Variants in TET3 observed in about 807,000 individuals in gnomAD.
TET3 encodes the protein methylcytosine dioxygenase TET3.
Under a neutral mutation model 141.4 loss-of-function variants are expected in TET3, and 19 were observed. That is an observed-to-expected ratio of 0.13 (90% CI 0.09 to 0.20). The LOEUF (loss-of-function observed/expected upper bound fraction) is 0.20. TET3 is among the 10% of genes least tolerant of loss of function. TET3 has a pLI of 1.00. For synonymous variants in TET3, 1,043 were observed against 980.9 expected, an observed-to-expected ratio of 1.06 and a Z score of -1.18; for missense variants, 1,874 against 2,356.9, an observed-to-expected ratio of 0.80 and a Z score of 4.24.
intron 6 of TET3, among the ~76,000 whole-genome samples, chr2:74,086,658 C>T (rs532844859): frequency 9.2e-5 from 14 of 151,798 alleles, no homozygotes; most frequent in African/African-American, 2.7e-4. Context: ...GGCATGGTGG[C>T]GTGTGTCTGT....
At chr2:74,072,467 G>A (rs923226271) in intron 4 of TET3, among the ~76,000 whole-genome samples, 11 of 150,430 alleles carry the variant, frequency 7.3e-5, no homozygotes, top group Admixed American at 6.6e-5. Context: ...AGCCAAGATC[G>A]CGCCATTGCA....
At chr2:74,025,241 A>AC in intron 3 of TET3, among the ~76,000 whole-genome samples, 1 of 150,548 alleles carries the variant, frequency 6.6e-6, no homozygotes, top group South Asian at 2.1e-4. Flanking sequence ...AAAAAAAAAA[A>AC]GTAAGTAGCA....
the TET3 span, among the ~76,000 whole-genome samples, chr2:74,133,046 T>G: frequency 6.6e-6 from 1 of 151,506 alleles, no homozygotes; most frequent in Non-Finnish European, 1.5e-5. Flanking sequence ...TACAGGCATG[T>G]GCCACTATGC....
intron 4 of TET3, among the ~76,000 whole-genome samples, chr2:74,055,167 T>A (rs1278386304): frequency 2.0e-5 from 3 of 152,110 alleles, no homozygotes; most frequent in African/African-American, 7.2e-5. Context: ...CCCAGAATGC[T>A]AGGATTACAG....
At chr2:74,028,644 C>G (rs1686508945) in intron 3 of TET3, among the ~76,000 whole-genome samples, 1 of 152,070 alleles carries the variant, frequency 6.6e-6, no homozygotes, top group Non-Finnish European at 1.5e-5. Flanking sequence ...GTCTTTATAG[C>G]TTTTTTATTG....
chr2:74,101,496 G>C lies in TET3; in HGVS notation c.4708G>C (p.Ala1570Pro). 6.2e-7 allele frequency: 1 copy of C among 1,612,832 alleles called. No homozygotes were observed. Among genetic ancestry groups the C allele is most frequent in the Non-Finnish European group, 8.5e-7 (1 of 1,179,482 alleles). ...AGGAGAGGAGGGCAGGATTCCAGCC[G>C]CAGGGGCCAGCCAGCTGGACAGGGC... Reference protein sequence around the residue: ...MKGEEGRIPAAGASQLDRAWQ... With the variant: ...MKGEEGRIPAPGASQLDRAWQ... The change falls in exon 12 of 12, where the codon GCA becomes CCA. Residue 1570 changes from alanine to proline, a missense_variant. Transcript: ENST00000409262. This position sits in a 1 kb window ranked among gnomAD's most constrained non-coding sequence, Gnocchi z 8.5.
At chr2:73,985,527 C>CGGGCGCGGGCTGCCCA (rs1157682030) in intron 1 of TET3, among the ~76,000 whole-genome samples, 1 of 145,820 alleles carries the variant, frequency 6.9e-6, no homozygotes, top group Non-Finnish European at 1.5e-5. Flanking sequence ...GCGGGCGCGG[C>CGGGCGCGGGCTGCCCA]GGGCGCGGGC....
intron 4 of TET3, among the ~76,000 whole-genome samples, chr2:74,063,040 C>T (rs1213783659): frequency 2.6e-5 from 4 of 151,852 alleles, no homozygotes; most frequent in African/African-American, 4.8e-5. Flanking sequence ...TGCACCACCA[C>T]GCCTGGCTAA....
chr2:74,005,562 T>G (rs1057247510), intron 3 of TET3, among the ~76,000 whole-genome samples: 2 of 152,058 alleles, frequency 1.3e-5, no homozygotes, highest in Non-Finnish European at 2.9e-5. Flanking sequence ...GTAAGAAGGA[T>G]ATGTCTGATG....
At chr2:74,132,135 G>A in the TET3 span, among the ~76,000 whole-genome samples, 1 of 152,128 alleles carries the variant, frequency 6.6e-6, no homozygotes, top group Admixed American at 6.5e-5. Flanking sequence ...CTTCTTTGAA[G>A]AATAGAACCC....
rs1476320760 is a variant in TET3 at position 74,040,446 on chromosome 2, TG to T, written c.361-5829del. On this transcript the variant is annotated intron_variant, in intron 3 of 11. Coordinates refer to ENST00000409262, the MANE Select transcript of TET3 (RefSeq NM_001287491.2). Reference sequence around the variant, plus strand: ...AATGACTGCACACATTGGAAGAATATGGGTAACATTTGGGTTGGGAATGTTG... The same window carrying T: ...AATGACTGCACACATTGGAAGAATATGGTAACATTTGGGTTGGGAATGTTG... Among the ~76,000 whole-genome samples, 3 of 152,124 alleles carry T rather than the reference TG, an allele frequency of 2.0e-5. No homozygotes were observed. In the East Asian group the frequency reaches 5.8e-4, roughly 29 times the overall value.
intron 4 of TET3, among the ~76,000 whole-genome samples, chr2:74,049,444 C>T (rs1283363421): frequency 6.6e-6 from 1 of 152,094 alleles, no homozygotes; most frequent in Non-Finnish European, 1.5e-5. Context: ...GGACCACTCC[C>T]CAATAAGCAT....
At chr2:74,089,080 CA>C (rs34315040) in intron 7 of TET3, among the ~76,000 whole-genome samples, 20,633 of 61,060 alleles carry the variant, frequency 0.34, 1,161 homozygotes, top group African/African-American at 0.37. Flanking sequence ...GATTCCGTCT[CA>C]AAAAAAAAAA....
chr2:74,018,445 A>T (rs893916834), intron 3 of TET3, among the ~76,000 whole-genome samples: 3 of 152,114 alleles, frequency 2.0e-5, no homozygotes, highest in African/African-American at 7.2e-5. Context: ...TTTCTTACTT[A>T]AGTTTTATTT....
rs1201161670 is a variant in TET3 at position 74,047,132 on chromosome 2, A to G, written c.1215A>G (p.Ser405=). Residue 405 remains serine, a synonymous_variant, in exon 4 of 12, where the codon TCA becomes TCG. Transcript: ENST00000409262. ...RSPQSYLRAP[S]WPVVPPEEHS... is the part of the protein sequence containing the mutation. ...CCCAGTCTTACCTCCGGGCTCCCTCATGGCCTGTGGTTCCTCCTGAAGAGC... is the reference window on the plus strand; with the variant it reads ...CCCAGTCTTACCTCCGGGCTCCCTCGTGGCCTGTGGTTCCTCCTGAAGAGC... 31 of 1,613,320 alleles carry G rather than the reference A, an allele frequency of 1.9e-5. No homozygotes were observed. Among genetic ancestry groups the G allele is most frequent in the Non-Finnish European group, 2.6e-5 (31 of 1,179,762 alleles).
chr2:74,065,608 G>A (rs1011027469), intron 4 of TET3, among the ~76,000 whole-genome samples: 14 of 128,328 alleles, frequency 1.1e-4, no homozygotes, highest in African/African-American at 4.1e-4. Context: ...CCTTCCGTCC[G>A]TCCGTCCGTC....
chr2:74,097,295 A>G (rs958276460), intron 10 of TET3, among the ~76,000 whole-genome samples: 1 of 151,762 alleles, frequency 6.6e-6, no homozygotes, highest in South Asian at 2.1e-4. Flanking sequence ...CAGAGCTCCA[A>G]CTGCTACAAT....
chr2:74,063,258 A>C (rs559507094), intron 4 of TET3, among the ~76,000 whole-genome samples: 1 of 151,598 alleles, frequency 6.6e-6, no homozygotes, highest in African/African-American at 2.4e-5. Flanking sequence ...TAATTGTCCC[A>C]CCGTTGGTGA....
At chr2:74,052,421 T>C (rs1255509234) in intron 4 of TET3, among the ~76,000 whole-genome samples, 1 of 151,766 alleles carries the variant, frequency 6.6e-6, no homozygotes, top group Non-Finnish European at 1.5e-5. Flanking sequence ...CAGTGGTAGG[T>C]AGAGAGTTAT....
Sources: allele counts gnomAD v4.1 joint callset (sites outside exome capture counted in the v4.1 genomes callset), GRCh38; gene constraint gnomAD v4.1.1; non-coding constraint Gnocchi (gnomAD v3.1); transcripts MANE v1.5; gene names NCBI Gene and HGNC (gene_info 2026-07-23, HGNC 2026-07-21).